Variants in NLGN4X observed in about 807,000 individuals in gnomAD.
The protein encoded by NLGN4X is neuroligin-4, X-linked.
Under a neutral mutation model 40.3 loss-of-function variants are expected in NLGN4X, and 3 were observed. The ratio of observed to expected loss-of-function variants is 0.07; its 90% CI spans 0.03 to 0.19. The LOEUF (loss-of-function observed/expected upper bound fraction) is 0.19. Among genes scored for constraint, NLGN4X ranks in the 10% least tolerant of loss-of-function variants. NLGN4X has a pLI of 1.00. For missense variants in NLGN4X, 382 were observed against 708.3 expected (o/e 0.54, Z 5.23); for synonymous variants, 270 against 306.8 (o/e 0.88, Z 1.25).
chrX:6,164,773 C>T (rs956213416), intron 1 of NLGN4X, among the ~76,000 whole-genome samples: 1 of 111,784 alleles, frequency 8.9e-6, no homozygotes, highest in Non-Finnish European at 1.9e-5. Flanking sequence ...GGCTAGAGTG[C>T]TCCATTTTCT....
chrX:5,925,857 T>TATATATATATATACATACACAC (rs2033259386), intron 3 of NLGN4X, among the ~76,000 whole-genome samples: 1 of 59,462 alleles, frequency 1.7e-5, no homozygotes, highest in Non-Finnish European at 2.9e-5. Flanking sequence ...TACACATATA[T>TATATATATATATACATACACAC]ATATATATAT....
At position 6,137,061 on chromosome X, in the gene NLGN4X, A is replaced by C. The variant is rs1190791227; in HGVS notation, c.472+13934T>G. On this transcript the variant is annotated intron_variant, in intron 2 of 5. Coordinates refer to ENST00000381095, the MANE Select transcript of NLGN4X (RefSeq NM_181332.3). ...AATTACCACAAACTTGGTGACTTGA[A>C]ACAAGAACGCATTGTCTCACTGTTC... 4.5e-5 allele frequency among the ~76,000 whole-genome samples: 5 copies of C among 112,331 alleles called. No individual in the cohort carries two copies. In the Admixed American group the frequency reaches 4.7e-4, roughly 11 times the overall value.
chrX:5,901,716 CAT>C (rs1469617344), intron 5 of NLGN4X, among the ~76,000 whole-genome samples: 2 of 108,697 alleles, frequency 1.8e-5, no homozygotes, highest in African/African-American at 6.7e-5. Flanking sequence ...ATACAAATAT[CAT>C]ATATTTTCAT....
intron 2 of NLGN4X, among the ~76,000 whole-genome samples, chrX:6,069,218 G>C (rs1396114356): frequency 9.1e-6 from 1 of 109,333 alleles, no homozygotes; most frequent in Non-Finnish European, 1.9e-5. Context: ...AACCTCGGGG[G>C]TGGAGCTTGC....
chrX:6,134,974 G>C (rs1217811970), intron 2 of NLGN4X, among the ~76,000 whole-genome samples: 1 of 112,903 alleles, frequency 8.9e-6, no homozygotes, highest in African/African-American at 3.2e-5. Flanking sequence ...TTAGGCTGAA[G>C]TTTGGCCAAA....
chrX:5,994,411 A>G (rs1046381541), intron 3 of NLGN4X, among the ~76,000 whole-genome samples: 5 of 111,757 alleles, frequency 4.5e-5, no homozygotes, highest in African/African-American at 1.6e-4. Flanking sequence ...GCTAAGATTG[A>G]GGGCTTGGAT....
At chrX:6,202,363 G>A (rs1923701104) in intron 1 of NLGN4X, among the ~76,000 whole-genome samples, 3 of 104,891 alleles carry the variant, frequency 2.9e-5, no homozygotes, top group African/African-American at 1.0e-4. Flanking sequence ...TTTGAGACAG[G>A]GTCTCACTGT....
intron 1 of NLGN4X, among the ~76,000 whole-genome samples, chrX:6,207,172 C>T (rs1924114288): frequency 9.0e-6 from 1 of 111,492 alleles, no homozygotes; most frequent in African/African-American, 3.3e-5. Flanking sequence ...CAAAAATGAC[C>T]TTGCCATTTC....
At chrX:5,947,376 C>T (rs1420679662) in intron 3 of NLGN4X, among the ~76,000 whole-genome samples, 1 of 111,650 alleles carries the variant, frequency 9.0e-6, no homozygotes, top group African/African-American at 3.3e-5. Context: ...ATTAAAGATT[C>T]ATAGGGATGA....
chrX:6,176,351 T>C (rs1457164186), intron 1 of NLGN4X, among the ~76,000 whole-genome samples: 1 of 112,613 alleles, frequency 8.9e-6, no homozygotes, highest in Non-Finnish European at 1.9e-5. Context: ...TCTCACTGTT[T>C]GTCTTTCTTG....
At chrX:6,193,333 C>T (rs993688295) in intron 1 of NLGN4X, among the ~76,000 whole-genome samples, 4 of 106,847 alleles carry the variant, frequency 3.7e-5, no homozygotes, top group African/African-American at 1.4e-4. Flanking sequence ...GGCGTGAACC[C>T]GGAAGGCAGA....
chrX:6,045,088 A>T (rs769118850), intron 2 of NLGN4X, among the ~76,000 whole-genome samples: 1 of 112,591 alleles, frequency 8.9e-6, no homozygotes, highest in Admixed American at 9.4e-5. Context: ...GATGTACCTT[A>T]GATCTGAGTA....
chrX:5,893,140 G>A lies in NLGN4X; in HGVS notation c.2128C>T (p.Arg710Cys), dbSNP rs763458960. The stretch of plus-strand genomic sequence containing the variant: ...GTGGTGTTTCTCTGGGGACTGGGGC[G>A]CCTGTGAGTCTCATGGCGCCTCTTG... ...KDKRRHETHR[R>C]PSPQRNTTND... The change falls in exon 6 of 6, where the codon CGC (arginine) becomes TGC (cysteine). Residue 710 changes from arginine to cysteine, a missense_variant. Around this residue, in one of 5 missense-constraint regions of NLGN4X, gnomAD observed 149 missense variants for 375.8 expected, o/e 0.40. Transcript: ENST00000381095. 7 of 1,209,635 alleles carry A rather than the reference G, an allele frequency of 5.8e-6. No homozygotes were observed. Among genetic ancestry groups the A allele is most frequent in the Admixed American group, 4.4e-5 (2 of 45,754 alleles).
chrX:6,178,036 C>T (rs1274529067), intron 1 of NLGN4X, among the ~76,000 whole-genome samples: 1 of 110,633 alleles, frequency 9.0e-6, no homozygotes, highest in Non-Finnish European at 1.9e-5. Context: ...TGATCTTGGA[C>T]TCCCAGCCTC....
intron 1 of NLGN4X, among the ~76,000 whole-genome samples, chrX:6,213,586 C>T (rs1483046849): frequency 8.9e-6 from 1 of 112,356 alleles, no homozygotes. Context: ...TCTTTGCAAC[C>T]TTTCAGCAAA....
At chrX:6,025,510 G>C (rs1260237708) in intron 3 of NLGN4X, among the ~76,000 whole-genome samples, 2 of 112,043 alleles carry the variant, frequency 1.8e-5, no homozygotes, top group East Asian at 5.6e-4. Context: ...ATGCATAATG[G>C]TATTAATAAC....
At chrX:6,056,848 A>C (rs997828861) in intron 2 of NLGN4X, among the ~76,000 whole-genome samples, 7 of 112,344 alleles carry the variant, frequency 6.2e-5, no homozygotes, top group Admixed American at 1.9e-4. Flanking sequence ...CCAGGAAAGA[A>C]GGAAGAAAAG....
chrX:6,181,847 T>C (rs1168992494), intron 1 of NLGN4X, among the ~76,000 whole-genome samples: 1 of 112,200 alleles, frequency 8.9e-6, no homozygotes, highest in Admixed American at 9.4e-5. Flanking sequence ...AGATATTTCC[T>C]GTATTCAGGG....
chrX:6,136,901 C>A (rs2039832766), intron 2 of NLGN4X, among the ~76,000 whole-genome samples: 2 of 112,333 alleles, frequency 1.8e-5, no homozygotes, highest in Middle Eastern at 9.2e-3. Flanking sequence ...CTGGACAGAG[C>A]AGTGGGTACT....
Sources: gnomAD v4.1 joint callset for allele counts (sites outside exome capture counted in the v4.1 genomes callset) on GRCh38, gnomAD v4.1.1 for gene constraint, gnomAD v4.1.1 regional missense constraint, MANE v1.5 for transcripts, NCBI Gene and HGNC (gene_info 2026-07-23, HGNC 2026-07-21) for gene names.